The following OR1J2 variants were observed in gnomAD, a reference collection of about 807,000 sequenced individuals.
OR1J2 encodes the protein olfactory receptor 1J2.
For missense variants in OR1J2, 304 were observed against 246.1 expected (o/e 1.24, Z -1.57); for synonymous variants, 142 against 99.7 (o/e 1.42, Z -2.52).
chr9:122,543,226 G>T, the OR1J2 span, among the ~76,000 whole-genome samples: 2 of 152,150 alleles, frequency 1.3e-5, no homozygotes, highest in African/African-American at 2.4e-5. Context: ...TTTAGACAGG[G>T]TCTTGTTCTG....
chr9:122,507,396 G>A (rs1229270059), upstream of OR1J2, among the ~76,000 whole-genome samples: 1 of 152,160 alleles, frequency 6.6e-6, no homozygotes, highest in Non-Finnish European at 1.5e-5. Flanking sequence ...TTGAGTCTTG[G>A]TAGGCTGCTG....
the OR1J2 span, among the ~76,000 whole-genome samples, chr9:122,482,925 A>G: frequency 9.7e-4 from 147 of 152,302 alleles, no homozygotes; most frequent in Non-Finnish European, 1.8e-3. Context: ...GATAAGAGAA[A>G]TAAGTTGTCA....
the OR1J2 span, chr9:122,519,884 GTC>G: frequency 1.6e-5 from 26 of 1,614,146 alleles, no homozygotes; most frequent in African/African-American, 3.1e-4. Context: ...TCTCTGTGGT[GTC>G]TCTGTATTAT....
At chr9:122,482,221 G>A in the OR1J2 span, among the ~76,000 whole-genome samples, 38 of 152,108 alleles carry the variant, frequency 2.5e-4, no homozygotes, top group South Asian at 1.2e-3. Flanking sequence ...ACCTGAATAC[G>A]TATTTCTCAA....
chr9:122,450,542 CA>C, the OR1J2 span, among the ~76,000 whole-genome samples: 6 of 152,096 alleles, frequency 3.9e-5, no homozygotes, highest in Non-Finnish European at 8.8e-5. Context: ...ATGTAATGAT[CA>C]AGTCAAGCTA....
the OR1J2 span, chr9:122,553,824 A>G: frequency 6.2e-7 from 1 of 1,613,924 alleles, no homozygotes; most frequent in East Asian, 2.2e-5. Context: ...GATCATCACC[A>G]TGGGCTTGCT....
At chr9:122,448,388 A>C in the OR1J2 span, among the ~76,000 whole-genome samples, 7 of 152,160 alleles carry the variant, frequency 4.6e-5, no homozygotes, top group Non-Finnish European at 7.4e-5. Context: ...ACAAATGTAC[A>C]ATCGGGTTTT....
At chr9:122,465,037 A>G in the OR1J2 span, among the ~76,000 whole-genome samples, 1 of 152,044 alleles carries the variant, frequency 6.6e-6, no homozygotes, top group Non-Finnish European at 1.5e-5. Flanking sequence ...AGAAAAATTT[A>G]CTTTCTCAAA....
the OR1J2 span, among the ~76,000 whole-genome samples, chr9:122,571,193 G>A: frequency 6.6e-6 from 1 of 152,082 alleles, no homozygotes; most frequent in Admixed American, 6.6e-5. Flanking sequence ...TTTCTGTGTG[G>A]TACAGATGGT....
At chr9:122,553,757 T>G in the OR1J2 span, 1 of 1,614,088 alleles carries the variant, frequency 6.2e-7, no homozygotes. Context: ...ATTTCTATTG[T>G]GATCCTAGTG....
chr9:122,549,864 G>A, the OR1J2 span, among the ~76,000 whole-genome samples: 4 of 152,014 alleles, frequency 2.6e-5, no homozygotes, highest in African/African-American at 7.2e-5. Context: ...GGTTCCATAT[G>A]AATTTTAGGA....
the OR1J2 span, among the ~76,000 whole-genome samples, chr9:122,465,453 T>G: frequency 6.6e-6 from 1 of 152,198 alleles, no homozygotes; most frequent in Non-Finnish European, 1.5e-5. Flanking sequence ...GGCTCTATGT[T>G]TTAAAAATTA....
At chr9:122,512,817 G>A (rs1014055762), downstream of OR1J2, among the ~76,000 whole-genome samples, 9 of 152,106 alleles carry the variant, frequency 5.9e-5, no homozygotes, top group Admixed American at 3.9e-4. Context: ...TGGAATTTCA[G>A]TGTGCCATGT....
chr9:122,448,312 G>A, the OR1J2 span, among the ~76,000 whole-genome samples: 2 of 152,166 alleles, frequency 1.3e-5, no homozygotes, highest in Non-Finnish European at 2.9e-5. Flanking sequence ...GAGTAACAGA[G>A]CAGTATTGCT....
the OR1J2 span, among the ~76,000 whole-genome samples, chr9:122,463,857 G>T: frequency 2.1e-4 from 32 of 152,294 alleles, no homozygotes; most frequent in Non-Finnish European, 4.6e-4. Context: ...CTCTGTGAGG[G>T]TCCTTGGTTG....
At chr9:122,579,058 T>C in the OR1J2 span, among the ~76,000 whole-genome samples, 37 of 151,810 alleles carry the variant, frequency 2.4e-4, no homozygotes, top group African/African-American at 7.5e-4. Context: ...TAGAAAGTCA[T>C]TAAAAAAGAA....
the OR1J2 span, among the ~76,000 whole-genome samples, chr9:122,563,453 T>C: frequency 6.6e-6 from 1 of 152,176 alleles, no homozygotes; most frequent in Non-Finnish European, 1.5e-5. Flanking sequence ...TTTAAAATCA[T>C]TTATTTGTTT....
chr9:122,467,984 C>T, the OR1J2 span, among the ~76,000 whole-genome samples: 4,133 of 152,296 alleles, frequency 0.027, 94 homozygotes, highest in East Asian at 0.07. Flanking sequence ...GCCAACAGTT[C>T]ACCTGGACAT....
chr9:122,568,895 G>A, the OR1J2 span, among the ~76,000 whole-genome samples: 2 of 152,108 alleles, frequency 1.3e-5, no homozygotes, highest in Non-Finnish European at 2.9e-5. Context: ...TATAGCATCA[G>A]TTAGGGATAC....
Sources: gnomAD v4.1 joint callset for allele counts (sites outside exome capture counted in the v4.1 genomes callset) on GRCh38, gnomAD v4.1.1 for gene constraint, MANE v1.5 for transcripts, NCBI Gene and HGNC (gene_info 2026-07-23, HGNC 2026-07-21) for gene names.